Variants in WSB2 observed in about 807,000 individuals in gnomAD.
The protein encoded by WSB2 is WD repeat and SOCS box containing 2.
In WSB2, 12 loss-of-function variants were observed where a neutral mutation model predicts 48.8. That is an observed-to-expected ratio of 0.25 (90% CI 0.16 to 0.40). The LOEUF is 0.40. WSB2 is among the 10% of genes least tolerant of loss of function. The pLI, the probability that WSB2 is intolerant of heterozygous loss-of-function variation, is 1.00. For synonymous variants in WSB2, 191 were observed against 203.1 expected (o/e 0.94, Z 0.51); for missense variants, 317 against 506.2 (o/e 0.63, Z 3.59).
In WSB2 at chr12:118,060,721, G is replaced by GC. The variant is rs1431195522; in HGVS notation, c.13+314dup. Among the ~76,000 whole-genome samples, 1 of 152,048 alleles carries GC rather than the reference G, an allele frequency of 6.6e-6. No individual in the cohort carries two copies. The highest frequency in any genetic ancestry group is 1.5e-5 in the Non-Finnish European group (1 of 67,918). ...GGGGATCTCCGTTTTAGGGCTTGGTGCCCCCCGCCCCGAGTCCCACCCGGG... is the reference window on the plus strand; with the variant it reads ...GGGGATCTCCGTTTTAGGGCTTGGTGCCCCCCCGCCCCGAGTCCCACCCGGG... On this transcript the variant is annotated intron_variant, in intron 1 of 8. Coordinates refer to ENST00000315436, the MANE Select transcript of WSB2 (RefSeq NM_018639.5). The surrounding 1 kb of genome is among the most constrained non-coding windows in gnomAD (Gnocchi z 4.1).
intron 1 of WSB2, among the ~76,000 whole-genome samples, chr12:118,053,392 A>G (rs1457256216): frequency 6.6e-6 from 1 of 152,224 alleles, no homozygotes; most frequent in Non-Finnish European, 1.5e-5. Context: ...AGAAAAAAGT[A>G]ATAATCCCAC....
rs899833043 is a variant in WSB2 at position 118,060,656 on chromosome 12, G to C, written c.13+380C>G. The stretch of plus-strand genomic sequence containing the variant: ...GACTCCCATCCAGACATGCAAGTGC[G>C]TCCCCTGGCACCTGGGTACCCAGGG... On this transcript the variant is annotated intron_variant, in intron 1 of 8. Transcript: ENST00000315436. The surrounding 1 kb of genome is among the most constrained non-coding windows in gnomAD (Gnocchi z 4.1). Among the ~76,000 whole-genome samples, 1 of 152,054 alleles carries C rather than the reference G, an allele frequency of 6.6e-6. No homozygotes were observed. The highest frequency in any genetic ancestry group is 2.4e-5 in the African/African-American group (1 of 41,412).
rs772448600 is a variant in WSB2, at chr12:118,043,323, C to A, written c.237G>T (p.Gly79=). 4 of 1,602,144 alleles carry A rather than the reference C, an allele frequency of 2.5e-6. No homozygotes were observed. Among genetic ancestry groups the A allele is most frequent in the Non-Finnish European group, 3.4e-6 (4 of 1,174,220 alleles). The change falls in exon 3 of 9, where the codon GGG becomes GGT. Residue 79 remains glycine (G), a synonymous_variant. Coordinates refer to ENST00000315436, the MANE Select transcript of WSB2 (RefSeq NM_018639.5). ...GCGTCTTCTCTTTTGGGCTGCCCCG[C>A]CCTTTCGTCTCATTTTTGCTACTTC... ...KSRSSKNETK[G]RGSPKEKTLD... is the part of the protein sequence containing the mutation.
rs1321094931 is a variant in WSB2 at position 118,032,988 on chromosome 12, T to C, written c.*1208A>G. 1 of 152,166 alleles carries C rather than the reference T, an allele frequency of 6.6e-6. No homozygotes were observed. The highest frequency in any genetic ancestry group is 2.4e-5 in the African/African-American group (1 of 41,456). The allele number at this position is 152,166 out of a possible 1,614,324, so 9.4% of individuals were successfully genotyped here. A position where few individuals can be genotyped will look rare whatever the true frequency, so the allele number is the denominator to read the frequency against. ...CATGTTTTTCTTCAAGCAACAAAGG[T>C]GGTAGAGGAAATTCCTCAACTTTCT... On this transcript the variant is annotated 3_prime_UTR_variant, in exon 9 of 9. Coordinates refer to ENST00000315436, the MANE Select transcript of WSB2 (RefSeq NM_018639.5).
At chr12:118,047,684 G>T (rs2031771467) in intron 2 of WSB2, among the ~76,000 whole-genome samples, 1 of 152,180 alleles carries the variant, frequency 6.6e-6, no homozygotes, top group Non-Finnish European at 1.5e-5. Context: ...CTGTACTCCA[G>T]CCTGGGTGAC....
chr12:118,059,093 C>T (rs2032015858), intron 1 of WSB2, among the ~76,000 whole-genome samples: 1 of 152,278 alleles, frequency 6.6e-6, no homozygotes, highest in African/African-American at 2.4e-5. Context: ...TATTGGGCTA[C>T]ACTGTCTAAT....
At chr12:118,045,586 C>T (rs1053139194) in intron 2 of WSB2, among the ~76,000 whole-genome samples, 12 of 151,552 alleles carry the variant, frequency 7.9e-5, no homozygotes, top group African/African-American at 2.9e-4. Flanking sequence ...GTGGCGCATG[C>T]CTGTAATCCC....
chr12:118,040,038 G>A (rs2031596688), intron 4 of WSB2, among the ~76,000 whole-genome samples: 1 of 151,972 alleles, frequency 6.6e-6, no homozygotes, highest in African/African-American at 2.4e-5. Context: ...TAAAAAGTTA[G>A]TCATGGTGCC....
At chr12:118,057,920 C>CT (rs113836288) in intron 1 of WSB2, among the ~76,000 whole-genome samples, 45,723 of 148,832 alleles carry the variant, frequency 0.31, 7,758 homozygotes, top group East Asian at 0.53. Context: ...CCACACTCAG[C>CT]ATTTTTTTTT....
At position 118,042,774 on chromosome 12, in the gene WSB2, C is replaced by CTA. The variant is rs1465777902; in HGVS notation, c.559+66_559+67insTA. The stretch of plus-strand genomic sequence containing the variant: ...AACACTGTTTTAGATAAAAATGACA[C>CTA]TGGTAAAGTGGAGAAAGCAAATACA... On this transcript the variant is annotated intron_variant, in intron 4 of 8. Coordinates refer to ENST00000315436, the MANE Select transcript of WSB2 (RefSeq NM_018639.5). The CTA allele has an allele frequency of 2.6e-6, 4 of 1,563,040 alleles. No homozygotes were observed. The African/African-American group carries it at 5.5e-5, about 21-fold the overall frequency.
chr12:118,034,381 G>T, intron 8 of WSB2, 23 bp from the exon 9 acceptor site: 1 of 1,610,678 alleles, frequency 6.2e-7, no homozygotes, highest in Non-Finnish European at 8.5e-7. Context: ...AGAAACCGAT[G>T]CTAAGACAGA....
Position 118,060,983 on chromosome 12 carries a change from AGAACGGGCCAGGGCCCCGCCGGGCGG to A in WSB2, c.13+27_13+52del. 2 of 483,074 alleles carry A rather than the reference AGAACGGGCCAGGGCCCCGCCGGGCGG, an allele frequency of 4.1e-6. No homozygotes were observed. The highest frequency in any genetic ancestry group is 5.3e-6 in the Non-Finnish European group (2 of 377,994). 29.9% of individuals were successfully genotyped at this position (483,074 alleles called of 1,614,324 possible). ...GGGGTCGCCTCCCCCCTCCCCGGGG[AGAACGGGCCAGGGCCCCGCCGGGCGG>A]GAACGGGCGCGCCCGGCCCCACTCA... is the stretch of plus-strand genomic sequence containing the variant. On this transcript the variant is annotated intron_variant, in intron 1 of 8. Coordinates refer to ENST00000315436, the MANE Select transcript of WSB2 (RefSeq NM_018639.5). This position sits in a 1 kb window ranked among gnomAD's most constrained non-coding sequence, Gnocchi z 4.1.
intron 4 of WSB2, among the ~76,000 whole-genome samples, chr12:118,039,733 A>G (rs1363700277): frequency 1.3e-5 from 2 of 151,890 alleles, no homozygotes; most frequent in African/African-American, 4.8e-5. Flanking sequence ...AAAAATTAAT[A>G]TTTCTTTTTT....
chr12:118,048,541 C>T (rs1593469880), intron 2 of WSB2, among the ~76,000 whole-genome samples: 1 of 150,648 alleles, frequency 6.6e-6, no homozygotes, highest in East Asian at 2.0e-4. Flanking sequence ...AGCCGAGATG[C>T]GCCACTACAC....
chr12:118,059,416 G>A (rs1218092395), intron 1 of WSB2, among the ~76,000 whole-genome samples: 1 of 152,118 alleles, frequency 6.6e-6, no homozygotes, highest in South Asian at 2.1e-4. Context: ...GCACATAGTA[G>A]ACGTTCAACA....
chr12:118,047,603 T>C (rs1190555700), intron 2 of WSB2, among the ~76,000 whole-genome samples: 1 of 152,226 alleles, frequency 6.6e-6, no homozygotes, highest in Non-Finnish European at 1.5e-5. Flanking sequence ...CGGCTACGCC[T>C]TTAGGAAGCT....
chr12:118,058,607 C>T (rs1293048273), intron 1 of WSB2, among the ~76,000 whole-genome samples: 3 of 152,182 alleles, frequency 2.0e-5, no homozygotes, highest in Admixed American at 2.0e-4. Context: ...CCAAGTTGGC[C>T]TCCCAAACTG....
rs767157940 is a variant in WSB2, at chr12:118,038,320, T to G, written c.628A>C (p.Ser210Arg). 3.8e-5 allele frequency: 62 copies of G among 1,614,032 alleles called. No individual in the cohort carries two copies. Among genetic ancestry groups the G allele is most frequent in the Non-Finnish European group, 5.1e-5 (60 of 1,180,038 alleles). ...TCTCCAGCTGCAGAGCACAGCATGC[T>G]GCAGTCTGGGGAGATGGAACAGCAG... ...VYCCSISPDCSMLCSAAGEKS... is the reference protein window; with the variant it reads ...VYCCSISPDCRMLCSAAGEKS... The change falls in exon 5 of 9, where the codon AGC becomes CGC. Residue 210 changes from serine (S) to arginine (R), a missense_variant. Physicochemically the swap from Ser to Arg is moderately radical, Grantham distance 110. Transcript: ENST00000315436.
chr12:118,044,232 T>C (rs2031701071), intron 2 of WSB2, among the ~76,000 whole-genome samples: 1 of 152,114 alleles, frequency 6.6e-6, no homozygotes, highest in South Asian at 2.1e-4. Context: ...TAACAGATGC[T>C]CCAGGGAGTC....
Sources: gnomAD v4.1 joint callset for allele counts (sites outside exome capture counted in the v4.1 genomes callset) on GRCh38, gnomAD v4.1.1 for gene constraint, Gnocchi (gnomAD v3.1) non-coding constraint, MANE v1.5 for transcripts, NCBI Gene and HGNC (gene_info 2026-07-23, HGNC 2026-07-21) for gene names.